CDK12: variants seen among roughly 807,000 people sequenced by gnomAD.
CDK12 encodes cyclin-dependent kinase 12.
A neutral mutation model predicts 133.8 loss-of-function variants in CDK12; 17 were observed. The ratio of observed to expected loss-of-function variants is 0.13; its 90% CI spans 0.09 to 0.19. The LOEUF is 0.19. CDK12 is among the 10% of genes least tolerant of loss of function. The pLI, the probability that CDK12 is intolerant of heterozygous loss-of-function variation, is 1.00. For synonymous variants in CDK12, 694 were observed against 683.6 expected (o/e 1.02, Z -0.24); for missense variants, 1,508 against 1,818.7 (o/e 0.83, Z 3.11).
At chr17:39,524,493 A>T (rs193158506) in intron 11 of CDK12, among the ~76,000 whole-genome samples, 181 bp from the exon 12 acceptor site, 2 of 152,232 alleles carry the variant, frequency 1.3e-5, no homozygotes, top group East Asian at 3.9e-4. Context: ...TCAGACTACC[A>T]TCTGCCATGA....
At chr17:39,463,182 T>G in intron 1 of CDK12, 65 bp downstream of exon 1, 1 of 1,411,382 alleles carries the variant, frequency 7.1e-7, no homozygotes, top group Non-Finnish European at 9.9e-7. Context: ...GCATTCAGCG[T>G]GTTAACATTG....
intron 2 of CDK12, among the ~76,000 whole-genome samples, chr17:39,472,029 G>A (rs2049833907): frequency 6.6e-6 from 1 of 152,038 alleles, no homozygotes; most frequent in Non-Finnish European, 1.5e-5. Context: ...TGTCGCCCAG[G>A]CTGTAATGCA....
chr17:39,472,981 CAGG>C (rs2049912467), intron 2 of CDK12, among the ~76,000 whole-genome samples: 1 of 151,656 alleles, frequency 6.6e-6, no homozygotes, highest in Admixed American at 6.6e-5. Flanking sequence ...GAGGCTGAGG[CAGG>C]AGAATGGCGT....
At chr17:39,518,621 C>T (rs1033708025) in intron 10 of CDK12, among the ~76,000 whole-genome samples, 1 of 151,744 alleles carries the variant, frequency 6.6e-6, no homozygotes, top group Admixed American at 6.6e-5. Context: ...TGCAGTGACG[C>T]GATCTTGGCT....
intron 8 of CDK12, among the ~76,000 whole-genome samples, chr17:39,514,588 G>A (rs2053682256): frequency 6.6e-6 from 1 of 151,980 alleles, no homozygotes; most frequent in African/African-American, 2.4e-5. Flanking sequence ...TGATCCTCCT[G>A]CCTAGGCCTC....
chr17:39,492,336 T>C (rs2051692266), intron 3 of CDK12, among the ~76,000 whole-genome samples: 1 of 151,010 alleles, frequency 6.6e-6, no homozygotes, highest in Non-Finnish European at 1.5e-5. Context: ...GACCTCGTGA[T>C]CCACCTGCCT....
intron 6 of CDK12, among the ~76,000 whole-genome samples, chr17:39,509,415 T>C (rs544020989): frequency 1.3e-5 from 2 of 152,318 alleles, no homozygotes; most frequent in South Asian, 4.1e-4. Context: ...AGGAGTCAAA[T>C]TCAGAAAATG....
chr17:39,561,224 G>A (rs536821689), intron 3 of CDK12, among the ~76,000 whole-genome samples: 19 of 152,344 alleles, frequency 1.2e-4, no homozygotes, highest in African/African-American at 4.6e-4. Flanking sequence ...GAAATGTGCT[G>A]TTGAATGTGT....
chr17:39,546,915 G>A (rs575475014), upstream of CDK12, among the ~76,000 whole-genome samples: 3 of 152,210 alleles, frequency 2.0e-5, no homozygotes, highest in South Asian at 2.1e-4. Context: ...GTAAAGAGCC[G>A]CTAACCTCCT....
In CDK12 at chr17:39,462,511, T is replaced by G. The variant is rs2144879010; in HGVS notation, c.440T>G (p.Ile147Arg). 6.2e-7 allele frequency: 1 copy of G among 1,613,966 alleles called. No homozygotes were observed. The highest frequency in any genetic ancestry group is 8.5e-7 in the Non-Finnish European group (1 of 1,180,000). The change falls in exon 1 of 14, where the codon ATA (isoleucine) becomes AGA (arginine). Residue 147 changes from isoleucine (I) to arginine (R), a missense_variant. By Grantham distance (97) the Ile-to-Arg change is moderately conservative (BLOSUM62 -3). This residue lies in a region of CDK12 where 460 missense variants were observed against 490.8 expected (regional missense o/e 0.94). Coordinates refer to ENST00000447079, the MANE Select transcript of CDK12 (RefSeq NM_016507.4). ...AAGTCGGGATCGATGAAGGACCGGA[T>G]ATCGGGAAGTTCAAAGCGTTCGAAT... Reference protein sequence around the residue: ...SSKSGSMKDRISGSSKRSNEE... With the variant: ...SSKSGSMKDRRSGSSKRSNEE...
intron 3 of CDK12, among the ~76,000 whole-genome samples, chr17:39,561,494 C>T (rs2056372533): frequency 6.6e-6 from 1 of 152,188 alleles, no homozygotes; most frequent in Non-Finnish European, 1.5e-5. Flanking sequence ...AACTCATGGA[C>T]AGCTCAGGAG....
chr17:39,501,246 G>A lies in CDK12; in HGVS notation c.2420-4G>A. Reference sequence around the variant, plus strand: ...GCTTTTAATTTTTTTTCGTCTTTATGTAGGTGCCTTTTACCTTGTATTTGA... The same window carrying A: ...GCTTTTAATTTTTTTTCGTCTTTATATAGGTGCCTTTTACCTTGTATTTGA... On this transcript the variant is annotated splice_polypyrimidine_tract_variant and splice_region_variant and intron_variant, in intron 5 of 13. Transcript: ENST00000447079. 1 of 1,475,034 alleles carries A rather than the reference G, an allele frequency of 6.8e-7. No homozygotes were observed. The highest frequency in any genetic ancestry group is 9.0e-7 in the Non-Finnish European group (1 of 1,112,636). 91.4% of individuals were successfully genotyped at this position (1,475,034 alleles called of 1,614,324 possible).
At position 39,485,169 on chromosome 17, in the gene CDK12, CA is replaced by C. The variant is rs564188686; in HGVS notation, c.1932-5369del. Reference sequence around the variant, plus strand: ...TGGGCGACAGGGCGAGACTCTGTCTCAAAAAAAAAAAAAAAAAAAGTTCAGA... The same window carrying C: ...TGGGCGACAGGGCGAGACTCTGTCTCAAAAAAAAAAAAAAAAAAGTTCAGA... On this transcript the variant is annotated intron_variant, in intron 2 of 13. Transcript: ENST00000447079. Among the ~76,000 whole-genome samples the C allele has an allele frequency of 3.9e-3, 289 of 75,064 alleles. 1 individual carries two copies. Among genetic ancestry groups the C allele is most frequent in the Middle Eastern group, 0.013 (2 of 158 alleles). The allele number at this position is 75,064 out of a possible 152,430, so 49.2% of individuals were successfully genotyped here. A position where few individuals can be genotyped will look rare whatever the true frequency, so the allele number is the denominator to read the frequency against.
intron 2 of CDK12, among the ~76,000 whole-genome samples, chr17:39,481,902 A>G (rs1179609226): frequency 2.0e-5 from 3 of 148,610 alleles, no homozygotes; most frequent in Non-Finnish European, 3.0e-5. Context: ...TTGTATCCTT[A>G]GTAGAGATGG....
chr17:39,502,501 T>A lies in CDK12; in HGVS notation c.2609+1062T>A, dbSNP rs571178053. ...TTATCTATATAGGAACATGGAAAGA[T>A]TATGACACATTTCCCCTCTTTATGG... On this transcript the variant is annotated intron_variant, in intron 6 of 13. Transcript: ENST00000447079. Among the ~76,000 whole-genome samples, 674 of 152,290 alleles carry A rather than the reference T, an allele frequency of 4.4e-3. 2 individuals carry two copies. The highest frequency in any genetic ancestry group is 0.015 in the African/African-American group (638 of 41,566).
At chr17:39,517,977 ATTT>A (rs574417333) in intron 10 of CDK12, among the ~76,000 whole-genome samples, 6 of 118,604 alleles carry the variant, frequency 5.1e-5, no homozygotes, top group Admixed American at 8.3e-5. Context: ...CTTAGCCTTC[ATTT>A]TTTTTTTTTT....
rs189881618 is a variant in CDK12, at chr17:39,519,102, C to G, written c.2964-854C>G. ...ATTTTTAGTAGAAACGGGGTTTCAC[C>G]ATGTTAGCCAGGCTGGTCTCGAACT... On this transcript the variant is annotated intron_variant, in intron 10 of 13. Coordinates refer to ENST00000447079, the MANE Select transcript of CDK12 (RefSeq NM_016507.4). Among the ~76,000 whole-genome samples the G allele has an allele frequency of 1.6e-4, 25 of 151,808 alleles. No homozygotes were observed. The East Asian group carries it at 2.7e-3, about 16-fold the overall frequency.
chr17:39,506,030 G>C (rs2053096922), intron 6 of CDK12, among the ~76,000 whole-genome samples: 2 of 152,132 alleles, frequency 1.3e-5, no homozygotes, highest in Admixed American at 1.3e-4. Flanking sequence ...TACTAAGTAA[G>C]TGTAAGAGGG....
chr17:39,559,853 A>C (rs897627680), intron 3 of CDK12, among the ~76,000 whole-genome samples: 15 of 98,686 alleles, frequency 1.5e-4, no homozygotes, highest in South Asian at 1.5e-3. Context: ...AAAAGAAAAA[A>C]TGTTAAAAAA....
Sources: allele counts gnomAD v4.1 joint callset (sites outside exome capture counted in the v4.1 genomes callset), GRCh38; gene constraint gnomAD v4.1.1; regional missense constraint gnomAD v4.1.1; transcripts MANE v1.5; gene names NCBI Gene and HGNC (gene_info 2026-07-23, HGNC 2026-07-21).